Variants in AHI1 observed in about 807,000 individuals in gnomAD.
AHI1 encodes Abelson helper integration site 1.
Under a neutral mutation model 149.3 loss-of-function variants are expected in AHI1, and 123 were observed. The observed-to-expected ratio is 0.82, with a 90% CI of 0.71 to 0.96. AHI1 has a LOEUF of 0.96. AHI1 is among the 40% of genes least tolerant of loss of function. The pLI, the probability that AHI1 is intolerant of heterozygous loss-of-function variation, is 0.00. For synonymous variants in AHI1, 475 were observed against 459.8 expected, an observed-to-expected ratio of 1.03 and a Z score of -0.42; for missense variants, 1,439 against 1,422.7, an observed-to-expected ratio of 1.01 and a Z score of -0.18.
intron 28 of AHI1, among the ~76,000 whole-genome samples, chr6:135,288,212 G>A (rs752497954): frequency 1.2e-4 from 18 of 151,966 alleles, no homozygotes; most frequent in Admixed American, 6.6e-4. Context: ...TAAGTGCAGG[G>A]GAGGAAAAAA....
chr6:135,405,970 T>G (rs1035262313), intron 21 of AHI1, among the ~76,000 whole-genome samples: 7 of 151,318 alleles, frequency 4.6e-5, no homozygotes, highest in Admixed American at 3.3e-4. Context: ...CCTAGTACAG[T>G]GCTAGTGAAA....
intron 20 of AHI1, among the ~76,000 whole-genome samples, chr6:135,414,914 T>C (rs1317983909): frequency 2.0e-5 from 3 of 151,212 alleles, no homozygotes; most frequent in Admixed American, 1.3e-4. Flanking sequence ...GCTGCACCCA[T>C]TAACTCGTCA....
chr6:135,463,117 T>C lies in AHI1; in HGVS notation c.931+8A>G, dbSNP rs763944345. The C allele has an allele frequency of 1.1e-5, 18 of 1,567,362 alleles. No homozygotes were observed. Among genetic ancestry groups the C allele is most frequent in the African/African-American group, 1.4e-5 (1 of 72,752 alleles). On this transcript the variant is annotated splice_region_variant and intron_variant, in intron 8 of 28. Transcript: ENST00000265602. Reference sequence around the variant, plus strand: ...TACACAATTTTTCATTTAATTTGTATAGCAAACCTGCTTTAGTCTTCTTTT... The same window carrying C: ...TACACAATTTTTCATTTAATTTGTACAGCAAACCTGCTTTAGTCTTCTTTT...
At chr6:135,460,649 G>C (rs1789725732) in intron 8 of AHI1, among the ~76,000 whole-genome samples, 1 of 152,110 alleles carries the variant, frequency 6.6e-6, no homozygotes, top group Non-Finnish European at 1.5e-5. Flanking sequence ...GATGAAGAAG[G>C]AAAAACCTAG....
intron 5 of AHI1, among the ~76,000 whole-genome samples, chr6:135,483,508 T>C (rs1329211253): frequency 1.3e-5 from 2 of 152,200 alleles, no homozygotes; most frequent in East Asian, 1.9e-4. Context: ...TAATACGGTA[T>C]ACACAATAAA....
chr6:135,475,270 C>T (rs1046540262), intron 5 of AHI1, among the ~76,000 whole-genome samples: 2 of 152,168 alleles, frequency 1.3e-5, no homozygotes, highest in Non-Finnish European at 2.9e-5. Flanking sequence ...ATCCTGATAT[C>T]GGCAATTTGC....
chr6:135,472,977 C>T (rs1466285671), intron 5 of AHI1, among the ~76,000 whole-genome samples: 2 of 152,160 alleles, frequency 1.3e-5, no homozygotes, highest in Non-Finnish European at 2.9e-5. Flanking sequence ...TCAATTTTCA[C>T]AAAGTCCAAT....
intron 2 of AHI1, among the ~76,000 whole-genome samples, chr6:135,496,142 A>T (rs1795934698): frequency 6.6e-6 from 1 of 151,864 alleles, no homozygotes; most frequent in Non-Finnish European, 1.5e-5. Context: ...TTGGAGACAG[A>T]GTCTCGCTCT....
At chr6:135,346,227 C>T (rs1227208018) in intron 24 of AHI1, among the ~76,000 whole-genome samples, 3 of 152,096 alleles carry the variant, frequency 2.0e-5, no homozygotes, top group East Asian at 1.9e-4. Context: ...CGGAGTCTCA[C>T]TTTGTTGCCC....
At chr6:135,436,488 G>C (rs545067732) in intron 15 of AHI1, among the ~76,000 whole-genome samples, 1 of 152,244 alleles carries the variant, frequency 6.6e-6, no homozygotes, top group Admixed American at 6.5e-5. Context: ...CTGGGCTGAA[G>C]TAAAGACAGT....
At chr6:135,446,003 C>T (rs1472428230) in intron 13 of AHI1, among the ~76,000 whole-genome samples, 1 of 151,930 alleles carries the variant, frequency 6.6e-6, no homozygotes, top group African/African-American at 2.4e-5. Context: ...TTGCAGTGAG[C>T]CGAGATTGCA....
chr6:135,434,456 T>C (rs1785098522), intron 15 of AHI1, among the ~76,000 whole-genome samples: 1 of 151,964 alleles, frequency 6.6e-6, no homozygotes, highest in Non-Finnish European at 1.5e-5. Flanking sequence ...GGGAAAATAT[T>C]AAAAAGATAG....
intron 23 of AHI1, among the ~76,000 whole-genome samples, chr6:135,368,357 C>T (rs182446394): frequency 6.6e-6 from 1 of 152,164 alleles, no homozygotes; most frequent in East Asian, 1.9e-4. Context: ...AGAACATAAG[C>T]TGTGGTAGAA....
intron 23 of AHI1, among the ~76,000 whole-genome samples, chr6:135,394,312 G>A (rs1294904971): frequency 1.3e-5 from 2 of 152,016 alleles, no homozygotes; most frequent in Admixed American, 6.6e-5. Context: ...CAGTGATTCA[G>A]TATAGTTATG....
chr6:135,362,046 C>A (rs965773423), intron 23 of AHI1, among the ~76,000 whole-genome samples: 1 of 152,034 alleles, frequency 6.6e-6, no homozygotes, highest in African/African-American at 2.4e-5. Flanking sequence ...CCAATTCTAT[C>A]CAGGTTGCTG....
At chr6:135,397,250 C>A (rs1438371616) in intron 22 of AHI1, among the ~76,000 whole-genome samples, 1 of 151,750 alleles carries the variant, frequency 6.6e-6, no homozygotes, top group Non-Finnish European at 1.5e-5. Flanking sequence ...ATTTATTATT[C>A]CATTTAGAGG....
In AHI1 at chr6:135,455,925, C is replaced by T; in HGVS notation, c.1153G>A (p.Gly385Arg). ...TCATAGTAAGATGAAACAGGCCGTC[C>T]ACTGTACAAAAAAAGATACTTCCAT... is the stretch of plus-strand genomic sequence containing the variant. ...TGQYVKKDDS[G>R]RPVSSYYEKE... is the part of the protein sequence containing the mutation. The change falls in exon 10 of 29, where the codon GGA (glycine) becomes AGA (arginine). Residue 385 changes from glycine (G) to arginine (R), a missense_variant and splice_region_variant. Physicochemically the swap from Gly to Arg is moderately radical, Grantham distance 125. Transcript: ENST00000265602. 4.2e-6 allele frequency: 6 copies of T among 1,428,318 alleles called. No homozygotes were observed. The South Asian group carries it at 1.1e-4, about 26-fold the overall frequency. 88.5% of individuals were successfully genotyped at this position (1,428,318 alleles called of 1,614,324 possible).
chr6:135,455,881 A>T lies in AHI1; in HGVS notation c.1197T>A (p.Tyr399Ter). The change falls in exon 10 of 29, where the codon TAT becomes TAA. Residue 399 changes from tyrosine to a stop codon, truncating the protein, a stop_gained. Transcript: ENST00000265602. LOFTEE classifies it high-confidence loss of function. ...ATGGCTGGGTCATAATAGGAAGAAT[A>T]TAATCCACATTCTCTTTTTCATAGT... The part of the protein sequence containing the change: ...SSYYEKENVD[Y>*]ILPIMTQPYD... 1 of 1,561,378 alleles carries T rather than the reference A, an allele frequency of 6.4e-7. No individual in the cohort carries two copies. Among genetic ancestry groups the T allele is most frequent in the South Asian group, 1.2e-5 (1 of 82,766 alleles).
At chr6:135,391,138 A>G (rs1347257609) in intron 23 of AHI1, among the ~76,000 whole-genome samples, 2 of 152,230 alleles carry the variant, frequency 1.3e-5, no homozygotes, top group Non-Finnish European at 2.9e-5. Context: ...TAGGAGCTGT[A>G]TCCAGCTTTT....
Sources: gnomAD v4.1 joint callset for allele counts (sites outside exome capture counted in the v4.1 genomes callset) on GRCh38, gnomAD v4.1.1 for gene constraint, MANE v1.5 for transcripts, NCBI Gene and HGNC (gene_info 2026-07-23, HGNC 2026-07-21) for gene names.